The following USP40 variants were observed in gnomAD, a reference collection of about 807,000 sequenced individuals.
USP40 encodes the protein ubiquitin carboxyl-terminal hydrolase 40.
USP40 carries 143 observed loss-of-function variants against 166.2 expected under a neutral mutation model. That is an observed-to-expected ratio of 0.86 (90% CI 0.75 to 0.99). The LOEUF is 0.99. Ranked by LOEUF, USP40 falls within the 50% of genes least tolerant of loss-of-function variation. USP40 has a pLI of 0.00. For missense variants in USP40, 1,444 were observed against 1,479.7 expected (o/e 0.98, Z 0.40); for synonymous variants, 498 against 524.0 (o/e 0.95, Z 0.68).
chr2:233,494,938 A>ATT lies in USP40; in HGVS notation c.2791-1388_2791-1387insAA, dbSNP rs2065611295. Reference sequence around the variant, plus strand: ...GGCATATATATATATATATATATATATATATATATATATATATTTATATAT... The same window carrying ATT: ...GGCATATATATATATATATATATATATTTATATATATATATATATTTATATAT... On this transcript the variant is annotated intron_variant, in intron 24 of 31. Coordinates refer to ENST00000678225, the MANE Select transcript of USP40 (RefSeq NM_001365479.2). 1.1e-4 allele frequency among the ~76,000 whole-genome samples: 5 copies of ATT among 47,614 alleles called. 1 individual carries two copies. Among genetic ancestry groups the ATT allele is most frequent in the African/African-American group, 4.4e-4 (3 of 6,836 alleles). The allele number at this position is 47,614 out of a possible 152,430, so 31.2% of individuals were successfully genotyped here.
chr2:233,495,365 A>T (rs1174579196), intron 24 of USP40, among the ~76,000 whole-genome samples: 1 of 151,780 alleles, frequency 6.6e-6, no homozygotes, highest in Non-Finnish European at 1.5e-5. Context: ...TATTGTTTGA[A>T]ATTAAGTGTT....
chr2:233,520,985 A>G lies in USP40; in HGVS notation c.2325+6T>C. The stretch of plus-strand genomic sequence containing the variant: ...ATCAGCCAACCTTTAATTATATTCT[A>G]CTCACTGTGTTAACAGTTGCTGATA... On this transcript the variant is annotated splice_donor_region_variant and intron_variant, in intron 17 of 31. Coordinates refer to ENST00000678225, the MANE Select transcript of USP40 (RefSeq NM_001365479.2). 6.2e-7 allele frequency: 1 copy of G among 1,609,844 alleles called. No individual in the cohort carries two copies. Among genetic ancestry groups the G allele is most frequent in the Non-Finnish European group, 8.5e-7 (1 of 1,178,526 alleles).
At position 233,480,532 on chromosome 2, in the gene USP40, G is replaced by A. The variant is rs1025120941; in HGVS notation, c.3599+671C>T. On this transcript the variant is annotated intron_variant, in intron 31 of 31. Coordinates refer to ENST00000678225, the MANE Select transcript of USP40 (RefSeq NM_001365479.2). This position sits in a 1 kb window ranked among gnomAD's most constrained non-coding sequence, Gnocchi z 4.5. The stretch of plus-strand genomic sequence containing the variant: ...TGGAGGCCTGAAGACAGCCGGCTGG[G>A]CACAGAGCCTGTGGCTTGGCCTGAC... Among the ~76,000 whole-genome samples the A allele has an allele frequency of 1.3e-5, 2 of 152,230 alleles. No individual in the cohort carries two copies. The highest frequency in any genetic ancestry group is 2.4e-5 in the African/African-American group (1 of 41,454).
rs147190852 is a variant in USP40, at chr2:233,488,770, G to A, written c.3132-466C>T. On this transcript the variant is annotated intron_variant, in intron 27 of 31. Transcript: ENST00000678225. ...CAAAACAAAAAATTAGCCTGGTGTCGTGGCACATGCCTGAGGTCCCAGCTA... is the reference window on the plus strand; with the variant it reads ...CAAAACAAAAAATTAGCCTGGTGTCATGGCACATGCCTGAGGTCCCAGCTA... 1.8e-4 allele frequency among the ~76,000 whole-genome samples: 27 copies of A among 152,250 alleles called. No individual in the cohort carries two copies. The South Asian group carries it at 2.3e-3, about 13-fold the overall frequency.
At chr2:233,532,907 C>T (rs750051353) in intron 11 of USP40, among the ~76,000 whole-genome samples, 15 of 151,144 alleles carry the variant, frequency 9.9e-5, no homozygotes, top group Middle Eastern at 3.4e-3. Flanking sequence ...CCAGCCTGGA[C>T]GAGAGAGTGA....
chr2:233,544,750 T>C (rs1351680630), intron 8 of USP40, among the ~76,000 whole-genome samples: 3 of 152,152 alleles, frequency 2.0e-5, no homozygotes, highest in Non-Finnish European at 4.4e-5. Flanking sequence ...CCTAAATGGC[T>C]ATACCTTCAA....
intron 12 of USP40, among the ~76,000 whole-genome samples, chr2:233,528,575 T>A (rs2068238202): frequency 2.0e-5 from 3 of 152,318 alleles, no homozygotes; most frequent in Non-Finnish European, 2.9e-5. Context: ...TTTATTTTTA[T>A]TTTTTTAAAA....
intron 1 of USP40, 22 bp from the exon 2 acceptor site, chr2:233,565,595 A>G: frequency 6.6e-7 from 1 of 1,512,334 alleles, no homozygotes; most frequent in Non-Finnish European, 8.8e-7. Flanking sequence ...TGACATATAA[A>G]TGCTTTTATT....
chr2:233,516,895 A>T (rs2067237718), intron 18 of USP40, among the ~76,000 whole-genome samples: 1 of 150,216 alleles, frequency 6.7e-6, no homozygotes, highest in Admixed American at 6.6e-5. Context: ...GTGTTGTCTG[A>T]TTTGTGAATG....
chr2:233,503,889 T>C (rs2066242647), intron 21 of USP40, among the ~76,000 whole-genome samples: 1 of 152,106 alleles, frequency 6.6e-6, no homozygotes, highest in Non-Finnish European at 1.5e-5. Flanking sequence ...AGTGTCGCAA[T>C]GGTGCTATAT....
intron 2 of USP40, among the ~76,000 whole-genome samples, chr2:233,563,452 C>T (rs2071845909): frequency 6.6e-6 from 1 of 152,130 alleles, no homozygotes; most frequent in South Asian, 2.1e-4. Context: ...TCTAGGGATA[C>T]AAGGAATGGG....
In USP40 at chr2:233,510,052, T is replaced by C. The variant is rs772061145; in HGVS notation, c.2610A>G (p.Arg870=). 6.3e-7 allele frequency: 1 copy of C among 1,583,988 alleles called. No individual in the cohort carries two copies. The highest frequency in any genetic ancestry group is 1.2e-5 in the South Asian group (1 of 86,352). ...EIVVEETISV[R]DCLKLMLKKS... ...AACAAAAGGTAAAATTACTTACATCTCTCACAGATATTGTTTCTTCTACTA... is the reference window on the plus strand; with the variant it reads ...AACAAAAGGTAAAATTACTTACATCCCTCACAGATATTGTTTCTTCTACTA... The change falls in exon 21 of 32, where the codon AGA becomes AGG. Residue 870 remains arginine, a synonymous_variant. Coordinates refer to ENST00000678225, the MANE Select transcript of USP40 (RefSeq NM_001365479.2).
At chr2:233,530,063 G>A (rs955978051) in intron 11 of USP40, among the ~76,000 whole-genome samples, 1 of 151,348 alleles carries the variant, frequency 6.6e-6, no homozygotes, top group African/African-American at 2.4e-5. Context: ...GCCTCCCAAA[G>A]TGCTGAGATT....
At chr2:233,494,932 A>ATT (rs2065604091) in intron 24 of USP40, among the ~76,000 whole-genome samples, 7 of 37,824 alleles carry the variant, frequency 1.9e-4, no homozygotes, top group Admixed American at 2.6e-4. Flanking sequence ...ATATATATAT[A>ATT]TATATATATA....
chr2:233,502,375 T>TA (rs1378554699), intron 21 of USP40, among the ~76,000 whole-genome samples: 1 of 152,060 alleles, frequency 6.6e-6, no homozygotes, highest in Non-Finnish European at 1.5e-5. Flanking sequence ...GTGTTGGATT[T>TA]AAAAAAAATT....
At position 233,533,362 on chromosome 2, in the gene USP40, T is replaced by C. The variant is rs952963827; in HGVS notation, c.1471+117A>G. The C allele has an allele frequency of 8.5e-6, 9 of 1,059,344 alleles. No individual in the cohort carries two copies. In the African/African-American group the frequency reaches 1.3e-4, roughly 15 times the overall value. 65.6% of individuals were successfully genotyped at this position (1,059,344 alleles called of 1,614,324 possible). On this transcript the variant is annotated intron_variant, in intron 11 of 31. Transcript: ENST00000678225. ...TATAGTTCTTGTTAGCTTTAAAATA[T>C]TTAAAAATGTTCCAAGAGTAAACCT...
intron 24 of USP40, among the ~76,000 whole-genome samples, chr2:233,494,915 CATATATAT>C (rs1169787200): frequency 1.8e-4 from 2 of 11,370 alleles, no homozygotes; most frequent in Admixed American, 1.3e-3. Context: ...AGCAAAATGG[CATATATAT>C]ATATATATAT....
Position 233,551,506 on chromosome 2 carries a change from C to A in USP40, c.707G>T (p.Arg236Leu), listed in dbSNP as rs749416722. Residue 236 changes from arginine to leucine, a missense_variant, in exon 7 of 32, where the codon CGT becomes CTT. By Grantham distance (102) the Arg-to-Leu change is moderately radical. Transcript: ENST00000678225. ...LVKAAKSAKLRKLPPFLTVSL... is the reference protein window; with the variant it reads ...LVKAAKSAKLLKLPPFLTVSL... ...AACAGTAAGAAAAGGAGGCAGCTTA[C>A]GTAATTTGGCCGACTGTTAAAAGAA... 6.3e-7 allele frequency: 1 copy of A among 1,594,506 alleles called. No homozygotes were observed. The highest frequency in any genetic ancestry group is 2.2e-5 in the East Asian group (1 of 44,656).
Position 233,554,486 on chromosome 2 carries a change from G to C in USP40, c.587C>G (p.Ser196Cys), listed in dbSNP as rs777547626. 1 of 1,611,668 alleles carries C rather than the reference G, an allele frequency of 6.2e-7. No individual in the cohort carries two copies. The highest frequency in any genetic ancestry group is 8.5e-7 in the Non-Finnish European group (1 of 1,179,062). ...GTTCCAGAGAGCATCTTCCAAACCG[G>C]ATACATTTTTGACTGCTACTGTTAG... ...LDLTVAVKNV[S>C]GLEDALWNMY... Residue 196 changes from serine to cysteine, a missense_variant, in exon 6 of 32, where the codon TCC becomes TGC. By Grantham distance (112) the Ser-to-Cys change is moderately radical. Transcript: ENST00000678225.
Sources: allele counts gnomAD v4.1 joint callset (sites outside exome capture counted in the v4.1 genomes callset), GRCh38; gene constraint gnomAD v4.1.1; non-coding constraint Gnocchi (gnomAD v3.1); transcripts MANE v1.5; gene names NCBI Gene and HGNC (gene_info 2026-07-23, HGNC 2026-07-21).